Variants in PPP1R37 observed in about 807,000 individuals in gnomAD.
The protein encoded by PPP1R37 is leucine rich repeat containing 68.
PPP1R37 carries 21 observed loss-of-function variants against 61.0 expected under a neutral mutation model. The ratio of observed to expected loss-of-function variants is 0.34; its 90% CI spans 0.24 to 0.50. The LOEUF is 0.50. PPP1R37 is among the 20% of genes least tolerant of loss of function. The pLI, the probability that PPP1R37 is intolerant of heterozygous loss-of-function variation, is 0.98. For missense variants in PPP1R37, 910 were observed against 952.7 expected (o/e 0.96, Z 0.59); for synonymous variants, 443 against 433.5 (o/e 1.02, Z -0.27).
chr19:45,115,340 A>G (rs1484402383), intron 1 of PPP1R37, among the ~76,000 whole-genome samples: 2 of 152,288 alleles, frequency 1.3e-5, no homozygotes, highest in East Asian at 3.9e-4. Context: ...CACCAACCAG[A>G]TGAAGTGGGC....
chr19:45,098,570 C>T (rs1968023001), intron 1 of PPP1R37, among the ~76,000 whole-genome samples: 2 of 152,148 alleles, frequency 1.3e-5, no homozygotes, highest in African/African-American at 4.8e-5. Flanking sequence ...AAGGTGTCTG[C>T]AGGGCAGGGT....
chr19:45,140,655 C>T (rs1208789987), intron 4 of PPP1R37, 49 bp downstream of exon 4: 2 of 1,434,396 alleles, frequency 1.4e-6, no homozygotes, highest in South Asian at 2.4e-5. Flanking sequence ...TCCCGGGCCC[C>T]TTCGAGGTTT....
chr19:45,143,801 G>T, intron 8 of PPP1R37, 168 bp downstream of exon 8: 1 of 515,524 alleles, frequency 1.9e-6, no homozygotes, highest in Non-Finnish European at 3.4e-6. Flanking sequence ...TTCTGTGCCT[G>T]TTTTCCCTGA....
At chr19:45,144,717 G>A (rs1968661158) in intron 8 of PPP1R37, 137 bp from the exon 9 acceptor site, 2 of 711,222 alleles carry the variant, frequency 2.8e-6, no homozygotes, top group South Asian at 2.0e-5. Context: ...GCAGGACGGC[G>A]CCGGTGTTCA....
At chr19:45,127,079 G>A (rs1968414799) in intron 1 of PPP1R37, among the ~76,000 whole-genome samples, 1 of 152,186 alleles carries the variant, frequency 6.6e-6, no homozygotes, top group African/African-American at 2.4e-5. Context: ...GTCAGGCCTG[G>A]TGGCTCACAC....
chr19:45,122,322 G>A (rs746149263), intron 1 of PPP1R37, among the ~76,000 whole-genome samples: 7 of 152,166 alleles, frequency 4.6e-5, no homozygotes, highest in Non-Finnish European at 7.4e-5. Flanking sequence ...AGTTCACCCA[G>A]CTGGCCCTGT....
At chr19:45,127,011 G>A (rs570396927) in intron 1 of PPP1R37, among the ~76,000 whole-genome samples, 2 of 152,260 alleles carry the variant, frequency 1.3e-5, no homozygotes, top group South Asian at 2.1e-4. Context: ...GAACTGCGTC[G>A]TTAGGTGATT....
rs1968460322 is a variant in PPP1R37 at position 45,130,342 on chromosome 19, G to T, written c.203-8172G>T. ...GCTGCTCTGCCCCTCGCCCCCAGTGGCTCCGGTCTCCTGCAGAATGAGAGC... is the reference window on the plus strand; with the variant it reads ...GCTGCTCTGCCCCTCGCCCCCAGTGTCTCCGGTCTCCTGCAGAATGAGAGC... On this transcript the variant is annotated intron_variant, in intron 1 of 12. Coordinates refer to ENST00000221462, the MANE Select transcript of PPP1R37 (RefSeq NM_019121.2). This position sits in a 1 kb window ranked among gnomAD's most constrained non-coding sequence, Gnocchi z 4.4. Among the ~76,000 whole-genome samples, 1 of 152,148 alleles carries T rather than the reference G, an allele frequency of 6.6e-6. No individual in the cohort carries two copies. Among genetic ancestry groups the T allele is most frequent in the African/African-American group, 2.4e-5 (1 of 41,426 alleles).
chr19:45,096,036 C>T (rs1270807013), intron 1 of PPP1R37, among the ~76,000 whole-genome samples: 1 of 152,168 alleles, frequency 6.6e-6, no homozygotes, highest in Admixed American at 6.5e-5. Flanking sequence ...GGTGGCAATA[C>T]TCTTGCCACG....
chr19:45,138,298 G>A (rs1369425600), intron 1 of PPP1R37, among the ~76,000 whole-genome samples: 1 of 152,212 alleles, frequency 6.6e-6, no homozygotes, highest in Non-Finnish European at 1.5e-5. Context: ...AGGCGTGGAG[G>A]GCAGTGGTGA....
intron 1 of PPP1R37, among the ~76,000 whole-genome samples, chr19:45,118,223 C>T (rs1416791469): frequency 6.6e-6 from 1 of 152,296 alleles, no homozygotes; most frequent in East Asian, 1.9e-4. Context: ...CCCATGAGTG[C>T]CCAGGGGAGC....
At chr19:45,103,496 C>G (rs879823964) in intron 1 of PPP1R37, among the ~76,000 whole-genome samples, 7 of 152,218 alleles carry the variant, frequency 4.6e-5, no homozygotes, top group Non-Finnish European at 7.3e-5. Flanking sequence ...CTCCCTCTCT[C>G]CACGGTCTCC....
At chr19:45,139,781 G>A (rs567082791) in intron 2 of PPP1R37, among the ~76,000 whole-genome samples, 3 of 152,370 alleles carry the variant, frequency 2.0e-5, no homozygotes, top group South Asian at 2.1e-4. Flanking sequence ...AGCTCAGAGC[G>A]CGGGTGCTGG....
chr19:45,140,780 G>C (rs1415315461), intron 4 of PPP1R37, 174 bp downstream of exon 4: 1 of 599,948 alleles, frequency 1.7e-6, no homozygotes, highest in African/African-American at 1.9e-5. Context: ...GACCAGAGTG[G>C]ATGTGGAGGG....
chr19:45,127,719 G>A (rs899165909), intron 1 of PPP1R37, among the ~76,000 whole-genome samples: 4 of 152,168 alleles, frequency 2.6e-5, no homozygotes, highest in African/African-American at 9.7e-5. Flanking sequence ...GCTCACGCTT[G>A]TAATCCCAGC....
rs980470229 is a variant in PPP1R37, at chr19:45,140,181, C to T, written c.301-55C>T. The T allele has an allele frequency of 1.6e-5, 23 of 1,469,542 alleles. 1 individual carries two copies. Among genetic ancestry groups the T allele is most frequent in the East Asian group, 7.4e-5 (3 of 40,550 alleles). 91.0% of individuals were successfully genotyped at this position (1,469,542 alleles called of 1,614,324 possible). A position where few individuals can be genotyped will look rare whatever the true frequency, so the allele number is the denominator to read the frequency against. ...CAGGCATAGCAGCCATTTGGGGCCTCGGCTGCCCCCCTGTTCAAGTGTCTT... is the reference window on the plus strand; with the variant it reads ...CAGGCATAGCAGCCATTTGGGGCCTTGGCTGCCCCCCTGTTCAAGTGTCTT... On this transcript the variant is annotated intron_variant, in intron 2 of 12. Transcript: ENST00000221462.
intron 1 of PPP1R37, among the ~76,000 whole-genome samples, chr19:45,104,469 C>T (rs1273232955): frequency 6.6e-6 from 1 of 152,158 alleles, no homozygotes; most frequent in Non-Finnish European, 1.5e-5. Context: ...AGGAAGATTT[C>T]GTTCACTGAG....
At position 45,146,841 on chromosome 19, in the gene PPP1R37, G is replaced by T. The variant is rs74846209; in HGVS notation, c.*279G>T. On this transcript the variant is annotated 3_prime_UTR_variant, in exon 13 of 13. Transcript: ENST00000221462. The stretch of plus-strand genomic sequence containing the variant: ...GCAGGAGGAGGAGGAGGTCTCCAAG[G>T]ACATCAGGCGCCTGTTCTGGAGGGG... The T allele has an allele frequency of 0.093, 19,491 of 210,140 alleles. 1,075 individuals are homozygous for T. Among genetic ancestry groups the T allele is most frequent in the South Asian group, 0.13 (2,034 of 15,706 alleles). The allele number at this position is 210,140 out of a possible 1,614,324, so 13.0% of individuals were successfully genotyped here.
intron 3 of PPP1R37, 82 bp from the exon 4 acceptor site, chr19:45,140,424 G>T: frequency 7.9e-7 from 1 of 1,258,982 alleles, no homozygotes; most frequent in Non-Finnish European, 1.1e-6. Flanking sequence ...GGTGGGGGGT[G>T]GGAGGTTGGG....
Sources: allele counts gnomAD v4.1 joint callset (sites outside exome capture counted in the v4.1 genomes callset), GRCh38; gene constraint gnomAD v4.1.1; non-coding constraint Gnocchi (gnomAD v3.1); transcripts MANE v1.5; gene names NCBI Gene and HGNC (gene_info 2026-07-23, HGNC 2026-07-21).